Variants in FAM186A observed in about 807,000 individuals in gnomAD.
The protein encoded by FAM186A is family with sequence similarity 186 member A.
A neutral mutation model predicts 216.8 loss-of-function variants in FAM186A; 163 were observed. The ratio of observed to expected loss-of-function variants is 0.75; its 90% CI spans 0.66 to 0.86. The LOEUF is 0.86. Among genes scored for constraint, FAM186A ranks in the 40% least tolerant of loss-of-function variants. FAM186A has a pLI of 0.00. For missense variants in FAM186A, 2,184 were observed against 2,746.2 expected (o/e 0.80, Z 4.58); for synonymous variants, 805 against 1,025.3 (o/e 0.79, Z 4.10).
intron 7 of FAM186A, among the ~76,000 whole-genome samples, chr12:50,329,379 A>G (rs1942633939): frequency 6.6e-6 from 1 of 152,158 alleles, no homozygotes; most frequent in Non-Finnish European, 1.5e-5. Flanking sequence ...GACCAGAAAA[A>G]ATGTTGCTTT....
In FAM186A at chr12:50,351,208, T is replaced by G. The variant is rs1665864893; in HGVS notation, c.5624A>C (p.Glu1875Ala). The stretch of plus-strand genomic sequence containing the variant: ...CTCAGAGAAGGTTAAGGGTCCAGAT[T>G]CCAGGAGGTCCCCAGGGATGGAAGA... ...EASSIPGDLL[E>A]SGPLTFSEQL... is the part of the protein sequence containing the mutation. The change falls in exon 4 of 8, where the codon GAA becomes GCA. Residue 1875 changes from glutamate (E) to alanine (A), a missense_variant. Transcript: ENST00000327337. The G allele has an allele frequency of 6.4e-7, 1 of 1,551,478 alleles. No individual in the cohort carries two copies. Among genetic ancestry groups the G allele is most frequent in the Admixed American group, 2.0e-5 (1 of 50,976 alleles).
intron 1 of FAM186A, among the ~76,000 whole-genome samples, chr12:50,379,859 G>GA (rs1382691732): frequency 6.6e-6 from 1 of 151,898 alleles, no homozygotes; most frequent in African/African-American, 2.4e-5. Flanking sequence ...AATGAGAAAT[G>GA]AAAAATTATG....
chr12:50,339,515 T>C (rs997999217), intron 4 of FAM186A, among the ~76,000 whole-genome samples: 2 of 152,164 alleles, frequency 1.3e-5, no homozygotes, highest in African/African-American at 4.8e-5. Flanking sequence ...TTTATGCCTC[T>C]GTATGAGCTT....
chr12:50,394,304 A>G (rs1838859110), intron 1 of FAM186A, among the ~76,000 whole-genome samples: 1 of 152,032 alleles, frequency 6.6e-6, no homozygotes. Context: ...CACGCCTGTA[A>G]TCTCAGCACT....
In FAM186A at chr12:50,331,780, G is replaced by A; in HGVS notation, c.6738C>T (p.Pro2246=). The change falls in exon 6 of 8, where the codon CCC becomes CCT. Residue 2246 remains proline, a synonymous_variant. Transcript: ENST00000327337. ...IHELNLSQPI[P]LIIEEKQIPA... is the part of the protein sequence containing the mutation. ...GTATCTGCTTTTCTTCGATGATTAAGGGGATAGGTTGACTAAGATTCAATT... is the reference window on the plus strand; with the variant it reads ...GTATCTGCTTTTCTTCGATGATTAAAGGGATAGGTTGACTAAGATTCAATT... 6.5e-7 allele frequency: 1 copy of A among 1,545,578 alleles called. No homozygotes were observed.
intron 1 of FAM186A, among the ~76,000 whole-genome samples, chr12:50,369,484 G>T (rs531583966): frequency 8.6e-5 from 9 of 105,140 alleles, no homozygotes; most frequent in African/African-American, 3.3e-4. Context: ...GCGACAGAGT[G>T]AGACTCCGTC....
chr12:50,381,239 G>A (rs1467667977), intron 1 of FAM186A, among the ~76,000 whole-genome samples: 2 of 152,166 alleles, frequency 1.3e-5, no homozygotes, highest in Non-Finnish European at 2.9e-5. Flanking sequence ...GCAAGCAAGG[G>A]GCGTGTTTCA....
intron 3 of FAM186A, among the ~76,000 whole-genome samples, chr12:50,356,998 CAACATACATACA>C (rs1470281092): frequency 1.4e-5 from 2 of 148,044 alleles, no homozygotes; most frequent in Non-Finnish European, 3.0e-5. Context: ...GACTTCGTCT[CAACATACATACA>C]TACATACATA....
At chr12:50,358,630 A>G (rs980807500) in intron 3 of FAM186A, among the ~76,000 whole-genome samples, 1 of 151,940 alleles carries the variant, frequency 6.6e-6, no homozygotes, top group Admixed American at 6.6e-5. Context: ...GCTGTAAAGA[A>G]ATGTTAAAAC....
intron 1 of FAM186A, among the ~76,000 whole-genome samples, chr12:50,373,465 G>A (rs1461498153): frequency 2.0e-5 from 3 of 152,290 alleles, no homozygotes; most frequent in Non-Finnish European, 4.4e-5. Context: ...TGAAGAGGAA[G>A]GAGCAATTCC....
At chr12:50,368,906 A>G (rs1943115161) in intron 1 of FAM186A, among the ~76,000 whole-genome samples, 1 of 152,034 alleles carries the variant, frequency 6.6e-6, no homozygotes, top group Non-Finnish European at 1.5e-5. Context: ...TCATAGCATA[A>G]GGTTAAATTA....
intron 4 of FAM186A, among the ~76,000 whole-genome samples, chr12:50,341,343 A>T (rs1273411441): frequency 2.0e-5 from 3 of 152,078 alleles, no homozygotes; most frequent in Non-Finnish European, 4.4e-5. Context: ...TCAGTATTTT[A>T]TTTGTTGTTG....
chr12:50,330,885 A>G, intron 6 of FAM186A, 127 bp from the exon 7 acceptor site: 1 of 729,824 alleles, frequency 1.4e-6, no homozygotes, highest in Non-Finnish European at 2.0e-6. Flanking sequence ...ACTGACCAGC[A>G]TTAGCTATGC....
intron 4 of FAM186A, among the ~76,000 whole-genome samples, chr12:50,349,027 C>T (rs56360504): frequency 1.1e-4 from 16 of 152,238 alleles, no homozygotes; most frequent in Non-Finnish European, 1.9e-4. Context: ...GTGTTACAAA[C>T]AATCCAATAA....
At chr12:50,377,126 A>G (rs954771786) in intron 1 of FAM186A, among the ~76,000 whole-genome samples, 5 of 152,156 alleles carry the variant, frequency 3.3e-5, no homozygotes, top group African/African-American at 1.2e-4. Context: ...AAGAAACACC[A>G]TTTGGCAATT....
In FAM186A at chr12:50,351,357, G is replaced by C; in HGVS notation, c.5475C>G (p.Leu1825=). ...APQAPPSPGQ[L]PISRAPPTPG... is the part of the protein sequence containing the mutation. ...GAGTGGGAGGGGCCCGAGATATTGG[G>C]AGCTGCCCAGGGGAGGGAGGGGCCT... The change falls in exon 4 of 8, where the codon CTC becomes CTG. Residue 1825 remains leucine (L), a synonymous_variant. Coordinates refer to ENST00000327337, the MANE Select transcript of FAM186A (RefSeq NM_001145475.3). 6.7e-7 allele frequency: 1 copy of C among 1,482,040 alleles called. No homozygotes were observed. The highest frequency in any genetic ancestry group is 1.8e-4 in the Middle Eastern group (1 of 5,602). The allele number at this position is 1,482,040 out of a possible 1,614,324, so 91.8% of individuals were successfully genotyped here. A position where few individuals can be genotyped will look rare whatever the true frequency, so the allele number is the denominator to read the frequency against.
At chr12:50,375,099 A>T (rs1436647748) in intron 1 of FAM186A, among the ~76,000 whole-genome samples, 1 of 152,022 alleles carries the variant, frequency 6.6e-6, no homozygotes, top group Non-Finnish European at 1.5e-5. Context: ...AATCGCTTGA[A>T]CCCAGGAGGC....
At position 50,351,100 on chromosome 12, in the gene FAM186A, G is replaced by A; in HGVS notation, c.5732C>T (p.Ala1911Val). 3.2e-6 allele frequency: 5 copies of A among 1,551,554 alleles called. No homozygotes were observed. In the African/African-American group the frequency reaches 5.5e-5, roughly 17 times the overall value. The change falls in exon 4 of 8, where the codon GCA (alanine) becomes GTA (valine). Residue 1911 changes from alanine to valine, a missense_variant. This residue lies in a region of FAM186A where 721 missense variants were observed against 816.4 expected (regional missense o/e 0.88). Coordinates refer to ENST00000327337, the MANE Select transcript of FAM186A (RefSeq NM_001145475.3). ...QAPSTPGQHLATWTLPGRASS... is the reference protein window; with the variant it reads ...QAPSTPGQHLVTWTLPGRASS... Reference sequence around the variant, plus strand: ...AGCTCGCCCAGGAAGGGTCCATGTTGCCAGATGCTGCCCAGGGGTAGAAGG... The same window carrying A: ...AGCTCGCCCAGGAAGGGTCCATGTTACCAGATGCTGCCCAGGGGTAGAAGG...
chr12:50,382,202 C>G (rs1187350426), intron 1 of FAM186A, among the ~76,000 whole-genome samples: 1 of 146,432 alleles, frequency 6.8e-6, no homozygotes, highest in Non-Finnish European at 1.5e-5. Context: ...ACACATATCA[C>G]ACCACTGCAC....
Sources: gnomAD v4.1 joint callset for allele counts (sites outside exome capture counted in the v4.1 genomes callset) on GRCh38, gnomAD v4.1.1 for gene constraint, gnomAD v4.1.1 regional missense constraint, MANE v1.5 for transcripts, NCBI Gene and HGNC (gene_info 2026-07-23, HGNC 2026-07-21) for gene names.